NRXN3: variants seen among roughly 807,000 people sequenced by gnomAD.
The protein encoded by NRXN3 is neurexin 3.
Under a neutral mutation model 137.6 loss-of-function variants are expected in NRXN3, and 32 were observed. The ratio of observed to expected loss-of-function variants is 0.23; its 90% CI spans 0.18 to 0.31. The LOEUF (loss-of-function observed/expected upper bound fraction) is 0.31. Among genes scored for constraint, NRXN3 ranks in the 10% least tolerant of loss-of-function variants. The probability of loss-of-function intolerance (pLI) is 1.00; values close to 1 mark genes in which losing one functional copy is unlikely to be tolerated. For synonymous variants in NRXN3, 798 were observed against 784.5 expected (o/e 1.02, Z -0.29); for missense variants, 1,574 against 2,062.5 (o/e 0.76, Z 4.59).
intron 15 of NRXN3, among the ~76,000 whole-genome samples, chr14:79,044,732 A>T (rs1489173355): frequency 1.3e-5 from 2 of 151,918 alleles, no homozygotes; most frequent in Admixed American, 6.6e-5. Flanking sequence ...CATATATACC[A>T]CACATATGTA....
intron 15 of NRXN3, among the ~76,000 whole-genome samples, chr14:79,242,576 C>T (rs1288966542): frequency 1.3e-5 from 2 of 152,112 alleles, no homozygotes; most frequent in Non-Finnish European, 2.9e-5. Flanking sequence ...TTACCTCCAG[C>T]GAGGAGAGTA....
At chr14:78,697,790 T>C (rs1392489698) in intron 6 of NRXN3, 4 of 151,990 alleles carry the variant, frequency 2.6e-5, no homozygotes, top group African/African-American at 4.8e-5. Context: ...CCAACTCTTA[T>C]TTGCTGCCTC....
At chr14:78,301,932 C>G (rs2153531813) in intron 4 of NRXN3, among the ~76,000 whole-genome samples, 1 of 152,210 alleles carries the variant, frequency 6.6e-6, no homozygotes, top group East Asian at 1.9e-4. Flanking sequence ...GGAACCCTTA[C>G]CCCATTGCTA....
chr14:78,870,693 C>A, intron 10 of NRXN3, among the ~76,000 whole-genome samples: 1 of 152,002 alleles, frequency 6.6e-6, no homozygotes, highest in Non-Finnish European at 1.5e-5. Flanking sequence ...TCCCCCACTA[C>A]CCATCCCAGT....
intron 15 of NRXN3, among the ~76,000 whole-genome samples, chr14:79,285,186 G>GCA (rs201043759): frequency 1.6e-4 from 24 of 151,910 alleles, no homozygotes; most frequent in Non-Finnish European, 2.1e-4. Context: ...AAAACAAGAC[G>GCA]CACACACACA....
At chr14:78,212,011 A>G (rs1427158596) in intron 1 of NRXN3, among the ~76,000 whole-genome samples, 2 of 152,172 alleles carry the variant, frequency 1.3e-5, no homozygotes, top group Non-Finnish European at 2.9e-5. Context: ...TGGCTAGCAA[A>G]TGGAGCCTCC....
chr14:78,345,499 A>G (rs2082623416), intron 4 of NRXN3, among the ~76,000 whole-genome samples: 1 of 152,180 alleles, frequency 6.6e-6, no homozygotes, highest in African/African-American at 2.4e-5. Flanking sequence ...GCAGCTGCAG[A>G]AAAGAGCATT....
intron 6 of NRXN3, among the ~76,000 whole-genome samples, chr14:78,664,800 G>T (rs987667205): frequency 3.3e-5 from 5 of 152,146 alleles, no homozygotes; most frequent in Admixed American, 6.6e-5. Context: ...CAAGAACAAA[G>T]ATTTATGTAG....
intron 4 of NRXN3, among the ~76,000 whole-genome samples, chr14:78,413,772 G>T (rs566705634): frequency 7.7e-6 from 1 of 130,438 alleles, no homozygotes; most frequent in African/African-American, 2.9e-5. Context: ...AGGAGACCTG[G>T]AAGGGGCACC....
At chr14:78,334,727 A>T (rs1367665559) in intron 4 of NRXN3, among the ~76,000 whole-genome samples, 1 of 151,910 alleles carries the variant, frequency 6.6e-6, no homozygotes, top group African/African-American at 2.4e-5. Flanking sequence ...GGAGAGGGAA[A>T]CTTTGTTAAT....
At chr14:79,072,471 C>T (rs1404709473) in intron 15 of NRXN3, 2 of 152,210 alleles carry the variant, frequency 1.3e-5, no homozygotes, top group East Asian at 3.9e-4. Context: ...TTACGAACCT[C>T]TGAACTTAAA....
chr14:78,778,355 A>G (rs577581158), intron 8 of NRXN3, among the ~76,000 whole-genome samples: 68 of 152,266 alleles, frequency 4.5e-4, no homozygotes, highest in Non-Finnish European at 8.8e-4. Flanking sequence ...TAACAATAGA[A>G]TTTCCTTTTG....
intron 16 of NRXN3, among the ~76,000 whole-genome samples, chr14:79,483,851 C>T (rs888119539): frequency 6.6e-6 from 1 of 152,098 alleles, no homozygotes; most frequent in Non-Finnish European, 1.5e-5. Flanking sequence ...TCAAACTCTA[C>T]AGCTAACCGC....
At chr14:79,194,711 A>T (rs2064897135) in intron 15 of NRXN3, among the ~76,000 whole-genome samples, 1 of 152,206 alleles carries the variant, frequency 6.6e-6, no homozygotes, top group African/African-American at 2.4e-5. Flanking sequence ...GAAGGCACAC[A>T]AGAGACAAAT....
intron 19 of NRXN3, among the ~76,000 whole-genome samples, chr14:79,749,719 G>A (rs2098991277): frequency 6.6e-6 from 1 of 152,052 alleles, no homozygotes; most frequent in Admixed American, 6.6e-5. Flanking sequence ...GAGGTGAGGG[G>A]TACCTCATAT....
chr14:78,894,466 CTCTAGT>C (rs1320846618), intron 10 of NRXN3, among the ~76,000 whole-genome samples: 1 of 151,820 alleles, frequency 6.6e-6, no homozygotes, highest in Non-Finnish European at 1.5e-5. Context: ...CAGTTTCTAC[CTCTAGT>C]TCTAGTTCTC....
chr14:78,870,035 CA>C (rs1424497064), intron 10 of NRXN3, among the ~76,000 whole-genome samples: 1 of 152,150 alleles, frequency 6.6e-6, no homozygotes, highest in Non-Finnish European at 1.5e-5. Flanking sequence ...TTGCTGAAGA[CA>C]AACCAATGTG....
At chr14:78,719,801 A>G (rs764467744) in intron 8 of NRXN3, among the ~76,000 whole-genome samples, 2 of 152,076 alleles carry the variant, frequency 1.3e-5, no homozygotes, top group African/African-American at 2.4e-5. Context: ...AAGATCATGC[A>G]GTTGCACTCC....
chr14:79,528,879 C>T (rs2097145048), intron 16 of NRXN3, among the ~76,000 whole-genome samples: 1 of 152,082 alleles, frequency 6.6e-6, no homozygotes, highest in South Asian at 2.1e-4. Flanking sequence ...TTTGGTTTCA[C>T]ACAGATCTTG....
Sources: allele counts gnomAD v4.1 joint callset (sites outside exome capture counted in the v4.1 genomes callset), GRCh38; gene constraint gnomAD v4.1.1; transcripts MANE v1.5; gene names NCBI Gene and HGNC (gene_info 2026-07-23, HGNC 2026-07-21).